The following HLCS variants were observed in gnomAD, a reference collection of about 807,000 sequenced individuals.
HLCS encodes biotin--protein ligase.
A neutral mutation model predicts 75.0 loss-of-function variants in HLCS; 53 were observed. The ratio of observed to expected loss-of-function variants is 0.71; its 90% confidence interval spans 0.57 to 0.89. HLCS has a LOEUF of 0.89. Ranked by LOEUF, HLCS falls within the 40% of genes least tolerant of loss-of-function variation. HLCS has a pLI of 0.00. For synonymous variants in HLCS, 431 were observed against 428.6 expected, an observed-to-expected ratio of 1.01 and a Z score of -0.07; for missense variants, 966 against 1,074.0, an observed-to-expected ratio of 0.90 and a Z score of 1.41.
chr21:36,940,441 A>G (rs181389793), intron 2 of HLCS, among the ~76,000 whole-genome samples: 60 of 152,284 alleles, frequency 3.9e-4, no homozygotes, highest in African/African-American at 1.3e-3. Flanking sequence ...CCTCCCGAGT[A>G]GCTGGGACAA....
At chr21:36,859,274 G>A (rs1399070806) in intron 6 of HLCS, among the ~76,000 whole-genome samples, 3 of 152,170 alleles carry the variant, frequency 2.0e-5, no homozygotes, top group African/African-American at 7.2e-5. Context: ...GCCCCGCTTG[G>A]CCTCCCAAAG....
intron 5 of HLCS, among the ~76,000 whole-genome samples, chr21:36,922,217 T>C (rs2066201102): frequency 6.6e-6 from 1 of 152,154 alleles, no homozygotes; most frequent in Admixed American, 6.5e-5. Context: ...AGTCTTTAAC[T>C]CCAATATCTC....
chr21:36,752,135 T>C lies in HLCS; in HGVS notation c.*2111A>G, dbSNP rs1193638193. 6.6e-6 allele frequency: 1 copy of C among 152,662 alleles called. No homozygotes were observed. The highest frequency in any genetic ancestry group is 1.5e-5 in the Non-Finnish European group (1 of 68,046). 9.5% of individuals were successfully genotyped at this position (152,662 alleles called of 1,614,324 possible). ...TTCATGTGAGGCAAAATCAGGTTTATGGAAAACGCAGCATCTGCTTCAAGG... is the reference window on the plus strand; with the variant it reads ...TTCATGTGAGGCAAAATCAGGTTTACGGAAAACGCAGCATCTGCTTCAAGG... On this transcript the variant is annotated 3_prime_UTR_variant, in exon 11 of 11. Transcript: ENST00000674895.
chr21:36,853,797 G>C (rs924246046), intron 6 of HLCS, among the ~76,000 whole-genome samples: 14 of 152,118 alleles, frequency 9.2e-5, no homozygotes, highest in African/African-American at 3.4e-4. Context: ...AATAATTACT[G>C]ATGAGAGTGC....
At position 36,754,245 on chromosome 21, in the gene HLCS, A is replaced by G. The variant is rs2089468881; in HGVS notation, c.*1T>C. On this transcript the variant is annotated 3_prime_UTR_variant, in exon 11 of 11. Transcript: ENST00000674895. ...CAGCCGCGTCTCGGGGACGCCCGGCATTACCGCCGTTTGGGGAGGATGAGG... is the reference window on the plus strand; with the variant it reads ...CAGCCGCGTCTCGGGGACGCCCGGCGTTACCGCCGTTTGGGGAGGATGAGG... The G allele has an allele frequency of 6.2e-7, 1 of 1,613,942 alleles. No individual in the cohort carries two copies. The highest frequency in any genetic ancestry group is 8.5e-7 in the Non-Finnish European group (1 of 1,179,950).
intron 2 of HLCS, among the ~76,000 whole-genome samples, chr21:36,955,901 T>C (rs1240665573): frequency 6.6e-6 from 1 of 152,220 alleles, no homozygotes; most frequent in African/African-American, 2.4e-5. Flanking sequence ...ACACAAATAC[T>C]TACCACTGTG....
At chr21:36,840,202 T>C (rs891635048) in intron 6 of HLCS, among the ~76,000 whole-genome samples, 6 of 152,242 alleles carry the variant, frequency 3.9e-5, no homozygotes, top group Non-Finnish European at 7.3e-5. Context: ...GAAATAGCCA[T>C]ATTGCCTAAC....
intron 1 of HLCS, among the ~76,000 whole-genome samples, chr21:36,989,424 A>C (rs1203903743): frequency 6.7e-6 from 1 of 150,152 alleles, no homozygotes; most frequent in Admixed American, 6.7e-5. Context: ...CCCGAGTTCA[A>C]GTGATTCTCC....
At chr21:36,854,309 A>G (rs929421271) in intron 6 of HLCS, among the ~76,000 whole-genome samples, 2 of 152,208 alleles carry the variant, frequency 1.3e-5, no homozygotes, top group Non-Finnish European at 1.5e-5. Context: ...CACTGCTATA[A>G]TGGCACCCTA....
At chr21:36,950,531 G>T (rs758731327) in intron 2 of HLCS, among the ~76,000 whole-genome samples, 3 of 151,648 alleles carry the variant, frequency 2.0e-5, no homozygotes, top group Non-Finnish European at 2.9e-5. Context: ...GTTCAATAGC[G>T]CAATCAGGAC....
At chr21:36,776,608 T>C (rs1007538251) in intron 6 of HLCS, among the ~76,000 whole-genome samples, 1 of 151,986 alleles carries the variant, frequency 6.6e-6, no homozygotes, top group Non-Finnish European at 1.5e-5. Context: ...AGAGATGGGG[T>C]TTCACCACGT....
chr21:36,963,299 A>C (rs1237776972), intron 1 of HLCS, among the ~76,000 whole-genome samples: 1 of 152,202 alleles, frequency 6.6e-6, no homozygotes, highest in East Asian at 1.9e-4. Context: ...GGTATGCAGG[A>C]GGCTTTCACC....
chr21:36,800,459 G>A (rs975170775), intron 6 of HLCS, among the ~76,000 whole-genome samples: 1 of 152,186 alleles, frequency 6.6e-6, no homozygotes, highest in Admixed American at 6.5e-5. Context: ...CAGTCACAAG[G>A]AAAGCTGAGG....
At chr21:36,885,959 G>A (rs778154637) in intron 6 of HLCS, among the ~76,000 whole-genome samples, 1 of 152,186 alleles carries the variant, frequency 6.6e-6, no homozygotes, top group South Asian at 2.1e-4. Flanking sequence ...ACCAGGGCCA[G>A]CAGGACCCCA....
At chr21:36,778,644 C>A (rs2060438616) in intron 6 of HLCS, among the ~76,000 whole-genome samples, 1 of 152,188 alleles carries the variant, frequency 6.6e-6, no homozygotes, top group African/African-American at 2.4e-5. Context: ...CTTCCATATT[C>A]ACTTGTGAGG....
rs2089297731 is a variant in HLCS, at chr21:36,749,444, C to G, written c.*4802G>C. ...ACACCAACTGCTCTCAAAATGTGAA[C>G]TGACTTTTTTTTTTTTTTTTTTGCC... On this transcript the variant is annotated 3_prime_UTR_variant, in exon 11 of 11. Coordinates refer to ENST00000674895, the MANE Select transcript of HLCS (RefSeq NM_001352514.2). 1 of 142,948 alleles carries G rather than the reference C, an allele frequency of 7.0e-6. No individual in the cohort carries two copies. Among genetic ancestry groups the G allele is most frequent in the African/African-American group, 2.6e-5 (1 of 37,950 alleles). 8.9% of individuals were successfully genotyped at this position (142,948 alleles called of 1,614,324 possible).
chr21:36,825,233 C>A (rs756600265), intron 6 of HLCS, among the ~76,000 whole-genome samples: 1 of 151,856 alleles, frequency 6.6e-6, no homozygotes, highest in Non-Finnish European at 1.5e-5. Context: ...AAAATAAATA[C>A]GAAACTGATC....
At chr21:36,777,299 C>T (rs1489155751) in intron 6 of HLCS, among the ~76,000 whole-genome samples, 1 of 152,228 alleles carries the variant, frequency 6.6e-6, no homozygotes, top group Non-Finnish European at 1.5e-5. Flanking sequence ...TTTTTACTCT[C>T]TCTATAGTTT....
chr21:36,865,782 C>T (rs943530864), intron 6 of HLCS, among the ~76,000 whole-genome samples: 1 of 152,196 alleles, frequency 6.6e-6, no homozygotes, highest in African/African-American at 2.4e-5. Context: ...ATAACATCAG[C>T]TACCACACAA....
Sources: gnomAD v4.1 joint callset for allele counts (sites outside exome capture counted in the v4.1 genomes callset) on GRCh38, gnomAD v4.1.1 for gene constraint, MANE v1.5 for transcripts, NCBI Gene and HGNC (gene_info 2026-07-23, HGNC 2026-07-21) for gene names.